SPINK8: variants seen among roughly 807,000 people sequenced by gnomAD.
SPINK8 encodes serine protease inhibitor Kazal-type 8.
In SPINK8, 12 loss-of-function variants were observed where a neutral mutation model predicts 14.4. That is an observed-to-expected ratio of 0.83 (90% CI 0.53 to 1.35). SPINK8 has a LOEUF of 1.35. SPINK8 is among the 40% of genes most tolerant of loss of function. The pLI is 0.00. For synonymous variants in SPINK8, 32 were observed against 37.6 expected, an observed-to-expected ratio of 0.85 and a Z score of 0.55; for missense variants, 103 against 117.0, an observed-to-expected ratio of 0.88 and a Z score of 0.55.
At chr3:48,328,808 G>A (rs2036179947) in intron 3 of SPINK8, among the ~76,000 whole-genome samples, 1 of 152,064 alleles carries the variant, frequency 6.6e-6, no homozygotes, top group Non-Finnish European at 1.5e-5. Context: ...TAAGTCAACA[G>A]GCAATAAGAA....
chr3:48,309,818 A>G, intron 7 of SPINK8, 86 bp downstream of exon 7: 2 of 1,370,360 alleles, frequency 1.5e-6, no homozygotes, highest in South Asian at 3.4e-5. Context: ...TGTTCATAAC[A>G]AAACATTTAA....
intron 6 of SPINK8, among the ~76,000 whole-genome samples, chr3:48,312,903 CAGG>C (rs2035941197): frequency 6.6e-6 from 1 of 150,944 alleles, no homozygotes. Context: ...GAGGCTGAGG[CAGG>C]AGAATTGCTT....
chr3:48,330,698 T>G (rs1313739091), intron 2 of SPINK8, among the ~76,000 whole-genome samples: 6 of 151,850 alleles, frequency 4.0e-5, no homozygotes. Context: ...GCTTTTAGCC[T>G]ATTTTGTATT....
At chr3:48,327,493 A>G (rs1320044189) in intron 4 of SPINK8, among the ~76,000 whole-genome samples, 1 of 152,226 alleles carries the variant, frequency 6.6e-6, no homozygotes, top group African/African-American at 2.4e-5. Context: ...TTCCCGACAG[A>G]GGATGAGACT....
chr3:48,316,731 C>A (rs1238548295), intron 6 of SPINK8, among the ~76,000 whole-genome samples: 1 of 152,102 alleles, frequency 6.6e-6, no homozygotes, highest in Non-Finnish European at 1.5e-5. Flanking sequence ...CACAATCATG[C>A]CACTGCACTC....
chr3:48,325,221 GT>G (rs889907196), intron 4 of SPINK8, among the ~76,000 whole-genome samples: 6 of 150,864 alleles, frequency 4.0e-5, no homozygotes, highest in Non-Finnish European at 7.4e-5. Flanking sequence ...TTGGATGTTG[GT>G]TTTTTTTTGT....
chr3:48,328,378 T>G, intron 3 of SPINK8, 24 bp from the exon 4 acceptor site: 1 of 1,568,298 alleles, frequency 6.4e-7, no homozygotes, highest in Non-Finnish European at 8.7e-7. Flanking sequence ...CAACTTTTGA[T>G]GTAGGACAAA....
chr3:48,328,795 G>A (rs997269717), intron 3 of SPINK8, among the ~76,000 whole-genome samples: 3 of 152,128 alleles, frequency 2.0e-5, no homozygotes, highest in Non-Finnish European at 4.4e-5. Flanking sequence ...TCAACAACAT[G>A]TGTAAGTCAA....
intron 4 of SPINK8, among the ~76,000 whole-genome samples, chr3:48,322,399 G>A (rs578096051): frequency 6.6e-6 from 1 of 151,344 alleles, no homozygotes; most frequent in South Asian, 2.1e-4. Context: ...GCAGTGGCGC[G>A]ATCTCAGCTC....
intron 4 of SPINK8, among the ~76,000 whole-genome samples, 162 bp from the exon 5 acceptor site, chr3:48,321,236 G>A (rs2036070145): frequency 6.6e-6 from 1 of 152,166 alleles, no homozygotes; most frequent in African/African-American, 2.4e-5. Context: ...AAGGAGCAAA[G>A]AATCAGGAAA....
In SPINK8 at chr3:48,318,904, C is replaced by A. The variant is rs1478771721; in HGVS notation, c.239+593G>T. ...GGCAGATGTCAGAGAATCCTCCTAA[C>A]TGTATACGGAGTTTCCTTCATACAA... On this transcript the variant is annotated intron_variant, in intron 6 of 7. Coordinates refer to ENST00000434006, the MANE Select transcript of SPINK8 (RefSeq NM_001080525.3). Among the ~76,000 whole-genome samples, 3 of 152,340 alleles carry A rather than the reference C, an allele frequency of 2.0e-5. No individual in the cohort carries two copies. In the East Asian group the frequency reaches 5.8e-4, roughly 29 times the overall value.
intron 4 of SPINK8, 118 bp from the exon 5 acceptor site, chr3:48,321,192 G>GCCCA: frequency 1.1e-6 from 1 of 932,222 alleles, no homozygotes; most frequent in Middle Eastern, 2.7e-4. Context: ...CATCAGAAGA[G>GCCCA]GCTGGGCTCC....
At chr3:48,320,125 G>A (rs1371086242) in intron 5 of SPINK8, among the ~76,000 whole-genome samples, 2 of 147,506 alleles carry the variant, frequency 1.4e-5, no homozygotes, top group Non-Finnish European at 3.0e-5. Flanking sequence ...GCAAGACTCC[G>A]TCTCCAAAAA....
At chr3:48,316,950 C>A (rs575690458) in intron 6 of SPINK8, among the ~76,000 whole-genome samples, 33 of 152,164 alleles carry the variant, frequency 2.2e-4, no homozygotes, top group African/African-American at 7.9e-4. Context: ...GTCCTTCAGG[C>A]TAAAATGAAA....
chr3:48,307,543 C>A (rs921238700), intron 7 of SPINK8, among the ~76,000 whole-genome samples: 2 of 147,638 alleles, frequency 1.4e-5, no homozygotes, highest in Admixed American at 6.7e-5. Context: ...TGCCCCCCAC[C>A]CCCCCACCTC....
chr3:48,306,919 T>C lies in SPINK8; in HGVS notation c.*73A>G. 6.6e-7 allele frequency: 1 copy of C among 1,510,468 alleles called. No individual in the cohort carries two copies. Among genetic ancestry groups the C allele is most frequent in the East Asian group, 2.3e-5 (1 of 44,158 alleles). The allele number at this position is 1,510,468 out of a possible 1,614,324, so 93.6% of individuals were successfully genotyped here. On this transcript the variant is annotated 3_prime_UTR_variant, in exon 8 of 8. Coordinates refer to ENST00000434006, the MANE Select transcript of SPINK8 (RefSeq NM_001080525.3). ...CCATTAGTAATTAAAGGGGATATAT[T>C]TGAAGAGGCAACCATTGTGTTTCAC...
intron 2 of SPINK8, among the ~76,000 whole-genome samples, chr3:48,330,027 C>A (rs759430087): frequency 1.3e-5 from 2 of 152,168 alleles, no homozygotes; most frequent in Non-Finnish European, 2.9e-5. Context: ...TCATAAATTC[C>A]TCAGGTCTAA....
chr3:48,319,711 G>A (rs1003176056), intron 5 of SPINK8, 93 bp from the exon 6 acceptor site: 49 of 1,536,492 alleles, frequency 3.2e-5, no homozygotes, highest in Non-Finnish European at 4.1e-5. Context: ...TGGAATACGA[G>A]CACCAGATCA....
chr3:48,307,961 CTTTTTTTTTTTTTTT>C (rs869147798), intron 7 of SPINK8, among the ~76,000 whole-genome samples: 7 of 68,220 alleles, frequency 1.0e-4, no homozygotes, highest in Non-Finnish European at 1.3e-4. Context: ...AGTCTGCATT[CTTTTTTTTTTTTTTT>C]TTTTTTTTTT....
Sources: gnomAD v4.1 joint callset for allele counts (sites outside exome capture counted in the v4.1 genomes callset) on GRCh38, gnomAD v4.1.1 for gene constraint, MANE v1.5 for transcripts, NCBI Gene and HGNC (gene_info 2026-07-23, HGNC 2026-07-21) for gene names.